Variants in KIF1B observed in about 807,000 individuals in gnomAD.
KIF1B encodes kinesin family member 1B, also known as kinesin-like protein KIF1B.
A neutral mutation model predicts 241.9 loss-of-function variants in KIF1B; 76 were observed. The observed-to-expected ratio is 0.31, with a 90% CI of 0.26 to 0.38. KIF1B has a LOEUF of 0.38. KIF1B is among the 10% of genes least tolerant of loss of function. KIF1B has a pLI of 1.00. For missense variants in KIF1B, 1,622 were observed against 2,271.4 expected, an observed-to-expected ratio of 0.71 and a Z score of 5.81; for synonymous variants, 750 against 796.7, an observed-to-expected ratio of 0.94 and a Z score of 0.99.
intron 44 of KIF1B, among the ~76,000 whole-genome samples, chr1:10,369,619 T>C (rs992728457): frequency 6.6e-6 from 1 of 150,892 alleles, no homozygotes; most frequent in African/African-American, 2.4e-5. Flanking sequence ...TGTGACAGTA[T>C]TTTTTTGTCT....
Position 10,267,180 on chromosome 1 carries a change from G to A in KIF1B, c.430-200G>A, listed in dbSNP as rs186795367. ...ACTACAGGCATGTGCCACCACGCCTGGCTCCTTTTTGTATTTTTGGTAGAG... is the reference window on the plus strand; with the variant it reads ...ACTACAGGCATGTGCCACCACGCCTAGCTCCTTTTTGTATTTTTGGTAGAG... On this transcript the variant is annotated intron_variant, in intron 5 of 48. Transcript: ENST00000676179. Among the ~76,000 whole-genome samples, 653 of 152,038 alleles carry A rather than the reference G, an allele frequency of 4.3e-3. 6 individuals carry two copies. Among genetic ancestry groups the A allele is most frequent in the African/African-American group, 0.014 (601 of 41,472 alleles).
At chr1:10,357,278 G>A (rs1053776812) in intron 38 of KIF1B, among the ~76,000 whole-genome samples, 1 of 152,196 alleles carries the variant, frequency 6.6e-6, no homozygotes, top group Non-Finnish European at 1.5e-5. Flanking sequence ...TGCTGCTGCT[G>A]TTCAGAACAT....
At chr1:10,258,364 C>A in intron 3 of KIF1B, 129 bp from the exon 4 acceptor site, 2 of 903,616 alleles carry the variant, frequency 2.2e-6, no homozygotes, top group Non-Finnish European at 1.7e-6. Context: ...GTATAGGAGG[C>A]TTAAAAAATG....
In KIF1B at chr1:10,258,001, T is replaced by C. The variant is rs147865284; in HGVS notation, c.184-492T>C. Among the ~76,000 whole-genome samples, 8 of 152,318 alleles carry C rather than the reference T, an allele frequency of 5.3e-5. No homozygotes were observed. In the East Asian group the frequency reaches 1.5e-3, roughly 29 times the overall value. ...CCTGGGGAATCGATGTTTTAAACTA[T>C]TGACAAAGCCTAATTGTCAAGGGAA... On this transcript the variant is annotated intron_variant, in intron 3 of 48. Transcript: ENST00000676179.
At chr1:10,302,100 A>C (rs1479578998) in intron 22 of KIF1B, among the ~76,000 whole-genome samples, 1 of 152,218 alleles carries the variant, frequency 6.6e-6, no homozygotes, top group Non-Finnish European at 1.5e-5. Context: ...AATAGCTAAA[A>C]ATGTCCTGGG....
At chr1:10,355,368 A>G (rs1652940382) in intron 38 of KIF1B, 1 of 152,382 alleles carries the variant, frequency 6.6e-6, no homozygotes, top group African/African-American at 2.4e-5. Flanking sequence ...ATGTTTTTGC[A>G]GGCTCTTTCT....
intron 5 of KIF1B, among the ~76,000 whole-genome samples, chr1:10,262,546 G>A (rs1381105518): frequency 1.3e-5 from 2 of 152,170 alleles, no homozygotes; most frequent in African/African-American, 2.4e-5. Flanking sequence ...ATTGCCAAAT[G>A]CCTTTTTGGA....
intron 39 of KIF1B, 65 bp from the exon 40 acceptor site, chr1:10,361,627 G>A (rs1280354502): frequency 1.9e-5 from 31 of 1,598,478 alleles, no homozygotes; most frequent in South Asian, 8.8e-5. Flanking sequence ...AAATACGTTC[G>A]TGTATAGACT....
chr1:10,371,175 C>T lies in KIF1B; in HGVS notation c.4859C>T (p.Ser1620Phe). ...ATCTCTCCAATTGGACGGGATCCCTCTGAGTCCAGTTTCAGCAGTGCCACC... is the reference window on the plus strand; with the variant it reads ...ATCTCTCCAATTGGACGGGATCCCTTTGAGTCCAGTTTCAGCAGTGCCACC... Reference protein sequence around the residue: ...SDISPIGRDPSESSFSSATLT... With the variant: ...SDISPIGRDPFESSFSSATLT... The change falls in exon 45 of 49, where the codon TCT becomes TTT. Residue 1620 changes from serine (S) to phenylalanine (F), a missense_variant. This residue lies in a region of KIF1B where 357 missense variants were observed against 409.0 expected (regional missense o/e 0.87). Transcript: ENST00000676179. 6.2e-7 allele frequency: 1 copy of T among 1,614,138 alleles called. No homozygotes were observed. Among genetic ancestry groups the T allele is most frequent in the Non-Finnish European group, 8.5e-7 (1 of 1,180,014 alleles).
At position 10,374,178 on chromosome 1, in the gene KIF1B, G is replaced by T. The variant is rs1163151426; in HGVS notation, c.4947-138G>T. Reference sequence around the variant, plus strand: ...CTGAAGCCAGCTTGTCTCCTCAGCTGAGCTCTCTGCAACTCAAGTTTGCAG... The same window carrying T: ...CTGAAGCCAGCTTGTCTCCTCAGCTTAGCTCTCTGCAACTCAAGTTTGCAG... On this transcript the variant is annotated intron_variant, in intron 45 of 48. Transcript: ENST00000676179. The surrounding 1 kb of genome is among the most constrained non-coding windows in gnomAD (Gnocchi z 4.3). The T allele has an allele frequency of 1.2e-6, 1 of 862,406 alleles. No homozygotes were observed. The highest frequency in any genetic ancestry group is 2.0e-6 in the Non-Finnish European group (1 of 512,068). The allele number at this position is 862,406 out of a possible 1,614,324, so 53.4% of individuals were successfully genotyped here.
chr1:10,283,739 G>A (rs1469719080), intron 15 of KIF1B, among the ~76,000 whole-genome samples: 1 of 152,228 alleles, frequency 6.6e-6, no homozygotes, highest in East Asian at 1.9e-4. Flanking sequence ...AGAGTGCTAG[G>A]GTAGGGGACA....
Position 10,377,395 on chromosome 1 carries a change from G to A in KIF1B, c.*808G>A. On this transcript the variant is annotated 3_prime_UTR_variant, in exon 49 of 49. Transcript: ENST00000676179. ...TTCTGGTGGACTTCAGGGGACCCCA[G>A]GGTTTGGCCGTGGGCCGTGATGGCA... 1 of 227,834 alleles carries A rather than the reference G, an allele frequency of 4.4e-6. No homozygotes were observed. Among genetic ancestry groups the A allele is most frequent in the East Asian group, 6.3e-5 (1 of 15,924 alleles). 14.1% of individuals were successfully genotyped at this position (227,834 alleles called of 1,614,324 possible). A position where few individuals can be genotyped will look rare whatever the true frequency, so the allele number is the denominator to read the frequency against.
intron 38 of KIF1B, among the ~76,000 whole-genome samples, chr1:10,355,700 G>A (rs553960435): frequency 6.6e-6 from 1 of 152,076 alleles, no homozygotes; most frequent in East Asian, 1.9e-4. Context: ...AGAATCTCAG[G>A]TTTTGTTTTC....
In KIF1B at chr1:10,343,232, T is replaced by C. The variant is rs1569863371; in HGVS notation, c.3633T>C (p.Ser1211=). 6.2e-7 allele frequency: 1 copy of C among 1,614,144 alleles called. No homozygotes were observed. Among genetic ancestry groups the C allele is most frequent in the East Asian group, 2.2e-5 (1 of 44,892 alleles). Residue 1211 remains serine, a splice_region_variant and synonymous_variant, in exon 34 of 49, where the codon AGT becomes AGC. Transcript: ENST00000676179. ...PLHLQGQELN[S]PPQPCRRFFP... The stretch of plus-strand genomic sequence containing the variant: ...GATCTTTGTCTTCCTTTCTTTGCAG[T>C]CCGCCTCAGCCGTGCCGCCGATTCT...
Position 10,374,846 on chromosome 1 carries a change from G to A in KIF1B, c.5097-8G>A, listed in dbSNP as rs774748771. ...AGAAACTAACTTTTGTCATATTGTC[G>A]TTTTTAGCTCAGTGGTCTCTAAGAA... On this transcript the variant is annotated splice_region_variant and splice_polypyrimidine_tract_variant and intron_variant, in intron 46 of 48. Coordinates refer to ENST00000676179, the MANE Select transcript of KIF1B (RefSeq NM_001365951.3). This position sits in a 1 kb window ranked among gnomAD's most constrained non-coding sequence, Gnocchi z 4.3. 1.9e-5 allele frequency: 31 copies of A among 1,613,604 alleles called. No homozygotes were observed. Among genetic ancestry groups the A allele is most frequent in the East Asian group, 4.5e-5 (2 of 44,896 alleles).
chr1:10,368,076 T>C (rs888350150), intron 43 of KIF1B, among the ~76,000 whole-genome samples: 1 of 152,166 alleles, frequency 6.6e-6, no homozygotes, highest in South Asian at 2.1e-4. Flanking sequence ...GAGAAAGGTT[T>C]TTTTAAGCCA....
intron 44 of KIF1B, among the ~76,000 whole-genome samples, chr1:10,370,590 T>G (rs75409108): frequency 0.17 from 23,313 of 139,574 alleles, 2,101 homozygotes; most frequent in Admixed American, 0.28. Flanking sequence ...ATAATAATAA[T>G]AATAAGAAGA....
At chr1:10,215,172 A>ATATATATATTTTT (rs1377684765) in intron 1 of KIF1B, among the ~76,000 whole-genome samples, 1 of 45,360 alleles carries the variant, frequency 2.2e-5, no homozygotes, top group African/African-American at 1.0e-4. Flanking sequence ...ATATATATAT[A>ATATATATATTTTT]TTTTTTTTTT....
intron 22 of KIF1B, among the ~76,000 whole-genome samples, chr1:10,317,850 G>T (rs1429702053): frequency 6.7e-6 from 1 of 150,026 alleles, no homozygotes; most frequent in Non-Finnish European, 1.5e-5. Context: ...AAAATTGCCT[G>T]ACATTTTGAT....
Sources: gnomAD v4.1 joint callset for allele counts (sites outside exome capture counted in the v4.1 genomes callset) on GRCh38, gnomAD v4.1.1 for gene constraint, gnomAD v4.1.1 regional missense constraint, Gnocchi (gnomAD v3.1) non-coding constraint, MANE v1.5 for transcripts, NCBI Gene and HGNC (gene_info 2026-07-23, HGNC 2026-07-21) for gene names.